Variants in ZFHX3 observed in about 807,000 individuals in gnomAD.
ZFHX3 encodes the protein zinc finger homeobox protein 3.
Under a neutral mutation model 279.1 loss-of-function variants are expected in ZFHX3, and 42 were observed. That is an observed-to-expected ratio of 0.15 (90% CI 0.12 to 0.19). ZFHX3 has a LOEUF of 0.19. Among genes scored for constraint, ZFHX3 ranks in the 10% least tolerant of loss-of-function variants. The probability of loss-of-function intolerance (pLI) is 1.00; values close to 1 mark genes in which losing one functional copy is unlikely to be tolerated. For missense variants in ZFHX3, 4,981 were observed against 4,754.0 expected (o/e 1.05, Z -1.40); for synonymous variants, 2,293 against 1,957.8 (o/e 1.17, Z -4.52).
chr16:73,008,725 G>A (rs1375333367), intron 1 of ZFHX3, among the ~76,000 whole-genome samples: 1 of 152,122 alleles, frequency 6.6e-6, no homozygotes, highest in Admixed American at 6.6e-5. Context: ...CACCATCTAA[G>A]TATATAACCA....
At chr16:73,543,572 G>T (rs1462275658) in intron 2 of ZFHX3, among the ~76,000 whole-genome samples, 1 of 152,178 alleles carries the variant, frequency 6.6e-6, no homozygotes, top group African/African-American at 2.4e-5. Context: ...AATCCATAAA[G>T]CTGGCTGATG....
rs181374085 is a variant in ZFHX3, at chr16:73,684,211, T to C, written c.-1607-3971A>G. Among the ~76,000 whole-genome samples the C allele has an allele frequency of 3.9e-4, 59 of 152,274 alleles. 1 individual carries two copies. The highest frequency in any genetic ancestry group is 1.2e-4 in the Non-Finnish European group (8 of 68,010). ...CGAGAGGCTAAGATAAGAGGATCTC[T>C]TGAGCCCAGGAGGTCAAGGGAATCC... is the stretch of plus-strand genomic sequence containing the variant. On this transcript the variant is annotated intron_variant, in intron 1 of 17. Coordinates refer to the ZFHX3 transcript ENST00000641206.
intron 2 of ZFHX3, among the ~76,000 whole-genome samples, chr16:73,485,743 C>CCT (rs1188257633): frequency 6.6e-6 from 1 of 152,194 alleles, no homozygotes; most frequent in East Asian, 1.9e-4. Flanking sequence ...TACCATGTGA[C>CCT]ACAGGTCTGC....
chr16:73,300,650 C>G (rs183206666), intron 4 of ZFHX3, among the ~76,000 whole-genome samples: 1 of 152,222 alleles, frequency 6.6e-6, no homozygotes, highest in African/African-American at 2.4e-5. Context: ...ATTACAGGCG[C>G]CTGCCACCAT....
In ZFHX3 at chr16:72,788,047, G is replaced by A. The variant is rs1245529578; in HGVS notation, c.10229C>T (p.Pro3410Leu). The change falls in exon 10 of 10, where the codon CCA (proline) becomes CTA (leucine). Residue 3410 changes from proline (P) to leucine (L), a missense_variant. Physicochemically the swap from Pro to Leu is moderately conservative, Grantham distance 98 (BLOSUM62 -3). This residue lies in a region of ZFHX3 where 1,034 missense variants were observed against 786.0 expected (regional missense o/e 1.32). Coordinates refer to ENST00000268489, the MANE Select transcript of ZFHX3 (RefSeq NM_006885.4). ...QTPVPPGAPS[P>L]DKDPAKESPK... ...GGATTCTTTGGCAGGGTCTTTGTCTGGGGAAGGAGCCCCGGGGGGGACTGG... is the reference window on the plus strand; with the variant it reads ...GGATTCTTTGGCAGGGTCTTTGTCTAGGGAAGGAGCCCCGGGGGGGACTGG... The A allele has an allele frequency of 6.2e-7, 1 of 1,612,330 alleles. No individual in the cohort carries two copies. Among genetic ancestry groups the A allele is most frequent in the Non-Finnish European group, 8.5e-7 (1 of 1,179,886 alleles).
At chr16:73,267,082 T>C (rs2013998118) in intron 4 of ZFHX3, among the ~76,000 whole-genome samples, 1 of 152,194 alleles carries the variant, frequency 6.6e-6, no homozygotes, top group Non-Finnish European at 1.5e-5. Context: ...GACCTGTGGT[T>C]TGATTACACT....
rs1270117052 is a variant in ZFHX3 at position 72,829,857 on chromosome 16, C to G, written c.3451G>C (p.Glu1151Gln). ...GGTCCTTCAACATCTTCAATGGCTTCTTCTGAAACAGAAGAAAAACATGTC... is the reference window on the plus strand; with the variant it reads ...GGTCCTTCAACATCTTCAATGGCTTGTTCTGAAACAGAAGAAAAACATGTC... ...IRRCPSTDPE[E>Q]AIEDVEGPSE... The change falls in exon 5 of 10, where the codon GAA (glutamate) becomes CAA (glutamine). Residue 1151 changes from glutamate (E) to glutamine (Q), a missense_variant and splice_region_variant. Transcript: ENST00000268489. 1 of 1,614,068 alleles carries G rather than the reference C, an allele frequency of 6.2e-7. No individual in the cohort carries two copies. Among genetic ancestry groups the G allele is most frequent in the Non-Finnish European group, 8.5e-7 (1 of 1,180,028 alleles).
chr16:72,945,593 ATTCCT>A (rs1292570558), intron 3 of ZFHX3, among the ~76,000 whole-genome samples: 8 of 152,168 alleles, frequency 5.3e-5, no homozygotes, highest in South Asian at 2.1e-4. Context: ...GCAGGAAAAC[ATTCCT>A]TTCCTTTCAT....
At chr16:73,762,346 A>C (rs1477691317) in intron 1 of ZFHX3, among the ~76,000 whole-genome samples, 2 of 152,146 alleles carry the variant, frequency 1.3e-5, no homozygotes, top group African/African-American at 2.4e-5. Flanking sequence ...GATGCTGAAG[A>C]GGCTGTGGAG....
rs80170143 is a variant in ZFHX3 at position 73,819,279 on chromosome 16, C to A, written c.-1608+72372G>T. Among the ~76,000 whole-genome samples the A allele has an allele frequency of 3.9e-3, 593 of 151,118 alleles. 3 individuals carry two copies. Among genetic ancestry groups the A allele is most frequent in the Middle Eastern group, 0.014 (4 of 292 alleles). ...GATAGTTCTTTGTTGAGGAGTGGGG[C>A]AAGGGGTCTTGTACACTGTAGGATA... On this transcript the variant is annotated intron_variant, in intron 1 of 17. Transcript: ENST00000641206.
chr16:72,869,394 TAAATA>T (rs1016925475), intron 4 of ZFHX3, among the ~76,000 whole-genome samples: 2 of 152,052 alleles, frequency 1.3e-5, no homozygotes, highest in Non-Finnish European at 2.9e-5. Context: ...TTTTTTTTCT[TAAATA>T]AAAGATTTAG....
chr16:73,552,041 GAGAC>G (rs1396089374), intron 2 of ZFHX3, among the ~76,000 whole-genome samples: 1 of 152,074 alleles, frequency 6.6e-6, no homozygotes, highest in Non-Finnish European at 1.5e-5. Flanking sequence ...GAGAGAGAGA[GAGAC>G]AGAGAGAGAG....
At chr16:72,997,215 T>C (rs1467444230) in intron 1 of ZFHX3, among the ~76,000 whole-genome samples, 1 of 152,132 alleles carries the variant, frequency 6.6e-6, no homozygotes, top group Non-Finnish European at 1.5e-5. Flanking sequence ...CGGGGTAAGA[T>C]CTGTCTTGCA....
chr16:73,501,887 G>A (rs2019245468), intron 2 of ZFHX3, among the ~76,000 whole-genome samples: 1 of 152,194 alleles, frequency 6.6e-6, no homozygotes, highest in Non-Finnish European at 1.5e-5. Context: ...GGAGCCGACA[G>A]TAGCCTCCTT....
intron 1 of ZFHX3, among the ~76,000 whole-genome samples, chr16:73,704,179 C>G (rs1165804096): frequency 6.6e-6 from 1 of 152,040 alleles, no homozygotes; most frequent in Non-Finnish European, 1.5e-5. Context: ...AAAGAGTGAG[C>G]ACTCTTTGGT....
chr16:73,436,455 C>T (rs566555181), intron 3 of ZFHX3, among the ~76,000 whole-genome samples: 85 of 152,270 alleles, frequency 5.6e-4, no homozygotes, highest in Admixed American at 1.8e-3. Context: ...GGGGTTTCCC[C>T]TTATAAAACC....
chr16:73,173,816 G>A (rs939637976), intron 5 of ZFHX3, among the ~76,000 whole-genome samples: 15 of 152,296 alleles, frequency 9.8e-5, no homozygotes, highest in Admixed American at 5.2e-4. Flanking sequence ...AGAAGTGGGG[G>A]CGCAGGGCAG....
At chr16:73,780,111 ATTTTTTTTTTTTTTTTTTTTTTTTTTTTT>A (rs762134796) in intron 1 of ZFHX3, among the ~76,000 whole-genome samples, 27 of 33,214 alleles carry the variant, frequency 8.1e-4, no homozygotes, top group African/African-American at 1.2e-3. Context: ...CTGCATTTGA[ATTTTTTTTTTTTTTTTTTTTTTTTTTTTT>A]TTTTTTTTTT....
chr16:73,187,076 A>C (rs1322382295), intron 5 of ZFHX3, among the ~76,000 whole-genome samples: 1 of 152,008 alleles, frequency 6.6e-6, no homozygotes, highest in Non-Finnish European at 1.5e-5. Flanking sequence ...AATCAAGTCA[A>C]AATAGACAGG....
Sources: gnomAD v4.1 joint callset for allele counts (sites outside exome capture counted in the v4.1 genomes callset) on GRCh38, gnomAD v4.1.1 for gene constraint, gnomAD v4.1.1 regional missense constraint, MANE v1.5 for transcripts, NCBI Gene and HGNC (gene_info 2026-07-23, HGNC 2026-07-21) for gene names.